STK39: variants seen among roughly 807,000 people sequenced by gnomAD.
STK39 encodes the protein serine/threonine kinase 39.
Under a neutral mutation model 77.8 loss-of-function variants are expected in STK39, and 20 were observed. The ratio of observed to expected loss-of-function variants is 0.26; its 90% CI spans 0.18 to 0.37. STK39 has a LOEUF of 0.37. Among genes scored for constraint, STK39 ranks in the 10% least tolerant of loss-of-function variants. The pLI, the probability that STK39 is intolerant of heterozygous loss-of-function variation, is 1.00. For synonymous variants in STK39, 246 were observed against 234.1 expected (o/e 1.05, Z -0.47); for missense variants, 479 against 656.5 (o/e 0.73, Z 2.95).
At chr2:168,020,597 T>A (rs1684546070) in intron 14 of STK39, among the ~76,000 whole-genome samples, 1 of 151,174 alleles carries the variant, frequency 6.6e-6, no homozygotes, top group South Asian at 2.1e-4. Flanking sequence ...TACATATGCA[T>A]GTACACATAA....
intron 1 of STK39, among the ~76,000 whole-genome samples, chr2:168,200,510 C>CA (rs60528482): frequency 0.022 from 3,357 of 149,326 alleles, 54 homozygotes; most frequent in Non-Finnish European, 0.036. Context: ...ACTAAAAATA[C>CA]AAAAAAAAAA....
At chr2:168,213,266 A>T (rs1312306836) in intron 1 of STK39, among the ~76,000 whole-genome samples, 1 of 151,912 alleles carries the variant, frequency 6.6e-6, no homozygotes, top group Non-Finnish European at 1.5e-5. Flanking sequence ...AAAAACACAC[A>T]AATCTCATCT....
rs1353375789 is a variant in STK39 at position 168,194,878 on chromosome 2, A to AT, written c.209-12789dup. On this transcript the variant is annotated intron_variant, in intron 1 of 17. Transcript: ENST00000355999. Reference sequence around the variant, plus strand: ...AGAAAGAAAACCATTACAAGTATTGATTTTTTTTTAATTGAAACTACTTTC... The same window carrying AT: ...AGAAAGAAAACCATTACAAGTATTGATTTTTTTTTTAATTGAAACTACTTTC... Among the ~76,000 whole-genome samples, 21 of 151,782 alleles carry AT rather than the reference A, an allele frequency of 1.4e-4. No homozygotes were observed. The East Asian group carries it at 3.3e-3, about 24-fold the overall frequency.
intron 1 of STK39, among the ~76,000 whole-genome samples, chr2:168,226,640 C>T (rs1281548818): frequency 6.6e-6 from 1 of 151,998 alleles, no homozygotes; most frequent in Non-Finnish European, 1.5e-5. Context: ...CTCACCCCAC[C>T]CACCATTTTC....
intron 10 of STK39, among the ~76,000 whole-genome samples, chr2:168,091,653 CTCT>C (rs1160002075): frequency 1.3e-5 from 2 of 152,180 alleles, no homozygotes; most frequent in African/African-American, 4.8e-5. Flanking sequence ...CTTCAACTTT[CTCT>C]TCTTCTTGGC....
chr2:168,164,085 T>C (rs1297949329), intron 3 of STK39, among the ~76,000 whole-genome samples: 1 of 152,212 alleles, frequency 6.6e-6, no homozygotes, highest in East Asian at 1.9e-4. Flanking sequence ...TCAGTGTGAA[T>C]TTAACGAGAA....
chr2:168,017,373 C>A, intron 14 of STK39, among the ~76,000 whole-genome samples: 1 of 133,496 alleles, frequency 7.5e-6, no homozygotes, highest in African/African-American at 2.8e-5. Context: ...AACAGGAAAC[C>A]TTAATTTTTT....
At chr2:168,241,090 A>C (rs1255218951) in intron 1 of STK39, among the ~76,000 whole-genome samples, 1 of 152,218 alleles carries the variant, frequency 6.6e-6, no homozygotes, top group Non-Finnish European at 1.5e-5. Context: ...AAGAAACGAG[A>C]TAACCGAGTA....
chr2:168,017,244 G>C, intron 14 of STK39, 149 bp from the exon 15 acceptor site: 1 of 440,884 alleles, frequency 2.3e-6, no homozygotes, highest in Non-Finnish European at 4.0e-6. Context: ...AACTGGAAAA[G>C]ATAGTTATAA....
chr2:168,155,569 C>G (rs76612514), intron 5 of STK39, among the ~76,000 whole-genome samples: 31,116 of 151,794 alleles, frequency 0.2, 4,541 homozygotes, highest in African/African-American at 0.41. Flanking sequence ...GCACCCCCCC[C>G]ACCCCAACAG....
intron 14 of STK39, among the ~76,000 whole-genome samples, chr2:168,029,348 T>G (rs1684776572): frequency 6.6e-6 from 1 of 152,240 alleles, no homozygotes; most frequent in Admixed American, 6.5e-5. Context: ...ATCTTGGCAT[T>G]AATTTCAGGG....
chr2:168,179,740 G>A (rs1476529495), intron 2 of STK39, among the ~76,000 whole-genome samples: 1 of 152,098 alleles, frequency 6.6e-6, no homozygotes, highest in Non-Finnish European at 1.5e-5. Flanking sequence ...AGCTCCAAAT[G>A]ACACTGCTAT....
intron 8 of STK39, among the ~76,000 whole-genome samples, chr2:168,136,382 AAG>A (rs1559114365): frequency 1.0e-5 from 1 of 96,086 alleles, no homozygotes. Context: ...AAAAAAAAAA[AAG>A]AAAAGAAATA....
intron 1 of STK39, among the ~76,000 whole-genome samples, chr2:168,213,859 G>A (rs1043579474): frequency 5.9e-5 from 9 of 151,952 alleles, no homozygotes; most frequent in South Asian, 2.1e-4. Context: ...AATCCTTAAT[G>A]TTCCTTTCAA....
At chr2:168,230,179 C>T (rs1261524354) in intron 1 of STK39, among the ~76,000 whole-genome samples, 1 of 152,172 alleles carries the variant, frequency 6.6e-6, no homozygotes, top group Non-Finnish European at 1.5e-5. Flanking sequence ...ATATATATCC[C>T]TCTGCCATGG....
At chr2:168,078,452 A>G (rs940572446) in intron 10 of STK39, among the ~76,000 whole-genome samples, 6 of 152,236 alleles carry the variant, frequency 3.9e-5, no homozygotes, top group African/African-American at 1.4e-4. Context: ...GAGCGGTCTG[A>G]CCTGTCACTC....
intron 2 of STK39, among the ~76,000 whole-genome samples, chr2:168,169,163 T>C (rs939342282): frequency 1.7e-4 from 26 of 152,202 alleles, no homozygotes; most frequent in African/African-American, 6.3e-4. Context: ...CAGCAACTCT[T>C]ATCCTTTGAA....
intron 1 of STK39, among the ~76,000 whole-genome samples, chr2:168,209,272 G>GA (rs1559147145): frequency 6.6e-6 from 1 of 152,122 alleles, no homozygotes; most frequent in Non-Finnish European, 1.5e-5. Flanking sequence ...TAAAGTGATG[G>GA]AAAATACAGA....
intron 5 of STK39, among the ~76,000 whole-genome samples, chr2:168,150,362 C>T (rs902580227): frequency 3.3e-5 from 5 of 152,132 alleles, no homozygotes; most frequent in Non-Finnish European, 7.4e-5. Flanking sequence ...ATTGTCTAAC[C>T]CAGCGATTCT....
Sources: allele counts gnomAD v4.1 joint callset (sites outside exome capture counted in the v4.1 genomes callset), GRCh38; gene constraint gnomAD v4.1.1; transcripts MANE v1.5; gene names NCBI Gene and HGNC (gene_info 2026-07-23, HGNC 2026-07-21).